Variants in HMCN1 observed in about 807,000 individuals in gnomAD.
The protein encoded by HMCN1 is hemicentin-1.
HMCN1 carries 321 observed loss-of-function variants against 625.9 expected under a neutral mutation model. The observed-to-expected ratio is 0.51, with a 90% CI of 0.47 to 0.56. The LOEUF (loss-of-function observed/expected upper bound fraction) is 0.56, where lower values mean the gene tolerates loss of function less well. Among genes scored for constraint, HMCN1 ranks in the 20% least tolerant of loss-of-function variants. The pLI is 0.00. For synonymous variants in HMCN1, 2,425 were observed against 2,417.6 expected (o/e 1.00, Z -0.09); for missense variants, 6,588 against 6,887.3 (o/e 0.96, Z 1.54).
At chr1:186,081,445 T>A (rs1000773737) in intron 56 of HMCN1, 51 bp downstream of exon 56, 1 of 1,297,874 alleles carries the variant, frequency 7.7e-7, no homozygotes, top group African/African-American at 1.5e-5. Flanking sequence ...ACTTTGCACT[T>A]TGTAATAATT....
chr1:185,844,755 A>G (rs1229034490), intron 1 of HMCN1, among the ~76,000 whole-genome samples: 1 of 152,214 alleles, frequency 6.6e-6, no homozygotes, highest in Non-Finnish European at 1.5e-5. Context: ...TTACTTAAAT[A>G]CATGGATTCT....
chr1:185,855,312 A>G (rs1662398651), intron 2 of HMCN1, among the ~76,000 whole-genome samples: 1 of 152,180 alleles, frequency 6.6e-6, no homozygotes. Flanking sequence ...GAAGAGGGTA[A>G]GAAAGAATTC....
Position 186,166,921 on chromosome 1 carries a change from T to A in HMCN1, c.15553T>A (p.Ser5185Thr). The change falls in exon 100 of 107, where the codon TCT becomes ACT. Residue 5185 changes from serine (S) to threonine (T), a missense_variant. Ser to Thr is a moderately conservative substitution (Grantham distance 58). Transcript: ENST00000271588. ...TTGTGGAAGTGGCTTTCGAAGAACC[T>A]CTGATGGGCTGAGTTGTCAAGGTAT... The part of the protein sequence containing the change: ...VRCGSGFRRT[S>T]DGLSCQDINE... 2 of 1,614,140 alleles carry A rather than the reference T, an allele frequency of 1.2e-6. No homozygotes were observed. Among genetic ancestry groups the A allele is most frequent in the Non-Finnish European group, 1.7e-6 (2 of 1,179,990 alleles).
chr1:186,075,841 G>A (rs1264407587), intron 53 of HMCN1, among the ~76,000 whole-genome samples: 1 of 151,874 alleles, frequency 6.6e-6, no homozygotes, highest in Non-Finnish European at 1.5e-5. Context: ...ATTTTCTAAG[G>A]GTGGAAATTT....
At chr1:186,160,206 A>C (rs577418633) in intron 97 of HMCN1, among the ~76,000 whole-genome samples, 3 of 148,058 alleles carry the variant, frequency 2.0e-5, no homozygotes, top group Non-Finnish European at 4.5e-5. Context: ...GTTTATTTGC[A>C]TAGAGGTGTT....
chr1:185,987,358 A>C, intron 19 of HMCN1, 74 bp from the exon 20 acceptor site: 2 of 902,982 alleles, frequency 2.2e-6, no homozygotes, highest in Non-Finnish European at 3.8e-6. Context: ...TGTAATGAAA[A>C]TGTTCAACTT....
Position 186,115,317 on chromosome 1 carries a change from A to C in HMCN1, c.11464A>C (p.Thr3822Pro). Residue 3822 changes from threonine (T) to proline (P), a missense_variant, in exon 75 of 107, where the codon ACT becomes CCT. By Grantham distance (38) the Thr-to-Pro change is conservative. This residue lies in a region of HMCN1 where 4,628 missense variants were observed against 4,853.1 expected (regional missense o/e 0.95). Transcript: ENST00000271588. ...NMTVIVNVQT[T>P]LACEATGIPK... The stretch of plus-strand genomic sequence containing the variant: ...GACTGTAATAGTAAATGTTCAAACT[A>C]CTCTGGCTTGTGAGGCTACTGGGAT... The C allele has an allele frequency of 1.2e-6, 2 of 1,613,932 alleles. No individual in the cohort carries two copies. The highest frequency in any genetic ancestry group is 1.7e-6 in the Non-Finnish European group (2 of 1,179,942).
chr1:186,112,398 T>C (rs1250924702), intron 71 of HMCN1, among the ~76,000 whole-genome samples: 1 of 152,276 alleles, frequency 6.6e-6, no homozygotes, highest in Non-Finnish European at 1.5e-5. Context: ...GAATGAACTC[T>C]ATTTGCATTG....
At position 186,086,446 on chromosome 1, in the gene HMCN1, C is replaced by T. The variant is rs201566834; in HGVS notation, c.9046+39C>T. On this transcript the variant is annotated intron_variant, in intron 58 of 106. Transcript: ENST00000271588. Reference sequence around the variant, plus strand: ...TATTATAAAGCAGGCAAAATTTTCTCATCTTTATTTTAATACAAACAGCAT... The same window carrying T: ...TATTATAAAGCAGGCAAAATTTTCTTATCTTTATTTTAATACAAACAGCAT... 6 of 1,592,176 alleles carry T rather than the reference C, an allele frequency of 3.8e-6. No individual in the cohort carries two copies. In the African/African-American group the frequency reaches 6.7e-5, roughly 18 times the overall value.
At chr1:185,756,534 A>G (rs1022949777) in intron 1 of HMCN1, among the ~76,000 whole-genome samples, 6 of 152,000 alleles carry the variant, frequency 3.9e-5, no homozygotes, top group Admixed American at 3.9e-4. Context: ...ATCTTTCTCT[A>G]TAAATTGTAG....
chr1:186,063,066 G>GTATATATATA (rs1491400415), intron 48 of HMCN1, among the ~76,000 whole-genome samples: 211 of 29,770 alleles, frequency 7.1e-3, no homozygotes, highest in African/African-American at 0.012. Context: ...GTGTGTGTGT[G>GTATATATATA]CATATATATA....
chr1:186,180,962 A>G (rs899858894), intron 104 of HMCN1, among the ~76,000 whole-genome samples: 18 of 152,186 alleles, frequency 1.2e-4, no homozygotes, highest in Non-Finnish European at 2.6e-4. Context: ...TCAAATTAAC[A>G]CTATGAAATC....
At chr1:186,068,076 T>G in intron 50 of HMCN1, 69 bp downstream of exon 50, 1 of 1,379,908 alleles carries the variant, frequency 7.2e-7, no homozygotes, top group South Asian at 1.2e-5. Flanking sequence ...GCAGAATCAT[T>G]GGTTACTTTT....
At chr1:185,978,197 A>T in intron 16 of HMCN1, 1 of 504,404 alleles carries the variant, frequency 2.0e-6, no homozygotes, top group Non-Finnish European at 3.5e-6. Flanking sequence ...AATTTATCAT[A>T]AGGGCTTATG....
At chr1:185,982,167 ATAGCATAACTAACAGTC>A in intron 17 of HMCN1, 78 bp from the exon 18 acceptor site, 7 of 1,234,370 alleles carry the variant, frequency 5.7e-6, no homozygotes, top group Non-Finnish European at 8.4e-6. Flanking sequence ...TCAAACTTTT[ATAGCATAACTAACAGTC>A]TTTGGGGCCT....
rs1661193646 is a variant in HMCN1, at chr1:186,117,567, C to A, written c.11792C>A (p.Thr3931Asn). Residue 3931 changes from threonine to asparagine, a missense_variant, in exon 77 of 107, where the codon ACC becomes AAC. Thr to Asn is a moderately conservative substitution (Grantham distance 65). Coordinates refer to ENST00000271588, the MANE Select transcript of HMCN1 (RefSeq NM_031935.3). Reference protein sequence around the residue: ...SGVPFPSIHWTKNGIRLLPRG... With the variant: ...SGVPFPSIHWNKNGIRLLPRG... ...GTTCCATTTCCCTCAATTCACTGGA[C>A]CAAAAATGGTATAAGACTGCTTCCC... The A allele has an allele frequency of 6.2e-7, 1 of 1,613,850 alleles. No individual in the cohort carries two copies. Among genetic ancestry groups the A allele is most frequent in the South Asian group, 1.1e-5 (1 of 91,078 alleles).
Position 186,033,470 on chromosome 1 carries a change from G to GTATA in HMCN1, c.5750-4461_5750-4458dup, listed in dbSNP as rs530444620. On this transcript the variant is annotated intron_variant, in intron 36 of 106. Transcript: ENST00000271588. ...CATTAACATAAATTGTATAGTAGTT[G>GTATA]TATATAGCACATCCTCTTGTATAGT... 8.9e-4 allele frequency among the ~76,000 whole-genome samples: 136 copies of GTATA among 152,214 alleles called. 1 individual carries two copies. The highest frequency in any genetic ancestry group is 1.9e-3 in the East Asian group (10 of 5,186).
chr1:186,110,977 C>CCTTTTTTTTTTTTTTTTTTTTTT (rs1660847379), intron 71 of HMCN1, among the ~76,000 whole-genome samples: 2 of 61,648 alleles, frequency 3.2e-5, no homozygotes, highest in African/African-American at 2.0e-4. Context: ...AGAGAAAATT[C>CCTTTTTTTTTTTTTTTTTTTTTT]TTTTTTTTTT....
intron 1 of HMCN1, among the ~76,000 whole-genome samples, chr1:185,808,427 G>A (rs1455760091): frequency 2.0e-5 from 3 of 152,098 alleles, no homozygotes; most frequent in Non-Finnish European, 2.9e-5. Flanking sequence ...GCTGAGGTGC[G>A]AGTATCACTT....
Sources: gnomAD v4.1 joint callset for allele counts (sites outside exome capture counted in the v4.1 genomes callset) on GRCh38, gnomAD v4.1.1 for gene constraint, gnomAD v4.1.1 regional missense constraint, MANE v1.5 for transcripts, NCBI Gene and HGNC (gene_info 2026-07-23, HGNC 2026-07-21) for gene names.